SH2D4A: variants seen among roughly 807,000 people sequenced by gnomAD.
SH2D4A encodes the protein SH2 domain containing 4A.
SH2D4A carries 70 observed loss-of-function variants against 64.7 expected under a neutral mutation model. The ratio of observed to expected loss-of-function variants is 1.08; its 90% confidence interval spans 0.89 to 1.32. The LOEUF is 1.32. Ranked by LOEUF, SH2D4A falls within the 40% of genes most tolerant of loss-of-function variation. The probability of loss-of-function intolerance (pLI) is 0.00; values close to 1 mark genes in which losing one functional copy is unlikely to be tolerated. For synonymous variants in SH2D4A, 268 were observed against 200.7 expected, an observed-to-expected ratio of 1.34 and a Z score of -2.83; for missense variants, 706 against 540.1, an observed-to-expected ratio of 1.31 and a Z score of -3.04.
At chr8:19,386,384 G>A (rs1181524682) in intron 8 of SH2D4A, among the ~76,000 whole-genome samples, 2 of 152,170 alleles carry the variant, frequency 1.3e-5, no homozygotes, top group South Asian at 4.1e-4. Flanking sequence ...TCATAAATTA[G>A]TGCAGCAGGC....
intron 8 of SH2D4A, among the ~76,000 whole-genome samples, chr8:19,382,858 TCTCA>T (rs948355372): frequency 3.0e-4 from 38 of 127,646 alleles, no homozygotes; most frequent in Non-Finnish European, 5.2e-4. Context: ...TGAGACAGGG[TCTCA>T]CTCTGTCATC....
At chr8:19,318,437 A>T (rs975297098) in intron 1 of SH2D4A, among the ~76,000 whole-genome samples, 4 of 152,238 alleles carry the variant, frequency 2.6e-5, no homozygotes, top group African/African-American at 9.6e-5. Flanking sequence ...TAAAATAGAA[A>T]TGTGGAAAGT....
intron 4 of SH2D4A, among the ~76,000 whole-genome samples, chr8:19,346,031 G>T (rs2052607788): frequency 6.6e-6 from 1 of 152,168 alleles, no homozygotes; most frequent in African/African-American, 2.4e-5. Flanking sequence ...ATTTTCAAAG[G>T]ATATATTTTT....
chr8:19,334,297 A>C (rs932885941), intron 3 of SH2D4A, among the ~76,000 whole-genome samples: 29 of 152,208 alleles, frequency 1.9e-4, no homozygotes, highest in African/African-American at 7.0e-4. Flanking sequence ...TGTAACTTTA[A>C]AACTATCCAT....
chr8:19,330,985 A>G (rs537340780), intron 2 of SH2D4A, among the ~76,000 whole-genome samples: 101 of 152,248 alleles, frequency 6.6e-4, no homozygotes, highest in African/African-American at 2.4e-3. Flanking sequence ...GGTGGGATTG[A>G]CCTTCCCCTC....
intron 8 of SH2D4A, among the ~76,000 whole-genome samples, chr8:19,389,890 A>G (rs1182341730): frequency 6.6e-6 from 1 of 152,070 alleles, no homozygotes; most frequent in African/African-American, 2.4e-5. Flanking sequence ...ACAAATAAAA[A>G]TTACTGCTTT....
intron 8 of SH2D4A, among the ~76,000 whole-genome samples, chr8:19,386,778 C>T (rs1310903891): frequency 6.6e-6 from 1 of 152,166 alleles, no homozygotes; most frequent in Non-Finnish European, 1.5e-5. Context: ...CATTTGTTAT[C>T]ACATGCTTTT....
intron 4 of SH2D4A, among the ~76,000 whole-genome samples, chr8:19,348,841 C>G (rs1585167617): frequency 6.6e-6 from 1 of 152,050 alleles, no homozygotes; most frequent in Admixed American, 6.6e-5. Flanking sequence ...GGTTGAGAAG[C>G]CTGCATACTA....
intron 4 of SH2D4A, among the ~76,000 whole-genome samples, chr8:19,353,481 G>A (rs1392645576): frequency 6.8e-6 from 1 of 148,148 alleles, no homozygotes; most frequent in East Asian, 2.0e-4. Context: ...CAATTCTCTT[G>A]CCTCAGCCTC....
At chr8:19,328,417 C>G (rs561884600) in intron 2 of SH2D4A, among the ~76,000 whole-genome samples, 1 of 152,054 alleles carries the variant, frequency 6.6e-6, no homozygotes, top group Non-Finnish European at 1.5e-5. Flanking sequence ...TCTGCCTGTC[C>G]GCTGCTGTGT....
chr8:19,388,605 A>G (rs1373887201), intron 8 of SH2D4A, among the ~76,000 whole-genome samples: 1 of 152,200 alleles, frequency 6.6e-6, no homozygotes, highest in Non-Finnish European at 1.5e-5. Context: ...CTTTCATCTG[A>G]TTTTTAAACA....
intron 8 of SH2D4A, among the ~76,000 whole-genome samples, chr8:19,382,178 A>C (rs901432642): frequency 1.3e-5 from 2 of 152,110 alleles, no homozygotes; most frequent in African/African-American, 4.8e-5. Context: ...CTTGCATGGC[A>C]GGTTTAGTGG....
chr8:19,368,485 G>A (rs2053039565), intron 7 of SH2D4A, among the ~76,000 whole-genome samples: 1 of 151,960 alleles, frequency 6.6e-6, no homozygotes, highest in Non-Finnish European at 1.5e-5. Flanking sequence ...CTAATCCATG[G>A]ACATGGGATG....
intron 1 of SH2D4A, among the ~76,000 whole-genome samples, chr8:19,315,337 TG>T (rs2052069709): frequency 6.6e-6 from 1 of 152,188 alleles, no homozygotes; most frequent in Non-Finnish European, 1.5e-5. Context: ...AGTTTTGCCA[TG>T]TTGCCCAAGC....
intron 2 of SH2D4A, among the ~76,000 whole-genome samples, chr8:19,325,230 G>C (rs1277788571): frequency 6.6e-6 from 1 of 152,054 alleles, no homozygotes. Context: ...CTTGGGTTTT[G>C]CTTCATCAGT....
intron 4 of SH2D4A, among the ~76,000 whole-genome samples, chr8:19,340,468 A>T (rs1295510962): frequency 2.0e-5 from 3 of 152,138 alleles, no homozygotes; most frequent in Non-Finnish European, 4.4e-5. Flanking sequence ...CAGGATGGAC[A>T]GGCGTGTCTG....
intron 4 of SH2D4A, among the ~76,000 whole-genome samples, chr8:19,352,707 T>G (rs1261802346): frequency 6.6e-6 from 1 of 152,188 alleles, no homozygotes; most frequent in Non-Finnish European, 1.5e-5. Context: ...TCCTCCTACC[T>G]ATTAACAGGT....
rs200130559 is a variant in SH2D4A at position 19,373,634 on chromosome 8, C to G, written c.1022C>G (p.Ser341Ter). ...CTTCGAGCGGGCTACCAGAAAACCT[C>G]AGACACCATAGCCCCCTGGTTCCAT... ...LPLRAGYQKTSDTIAPWFHGI... is the reference protein window; with the variant it reads ...LPLRAGYQKT Residue 341 changes from serine to a stop codon, truncating the protein, a stop_gained, in exon 8 of 10, where the codon TCA becomes TGA. Transcript: ENST00000265807. LOFTEE classifies it high-confidence loss of function. The G allele has an allele frequency of 1.2e-5, 19 of 1,613,376 alleles. No individual in the cohort carries two copies. In the Admixed American group the frequency reaches 1.5e-4, roughly 13 times the overall value.
intron 6 of SH2D4A, 179 bp from the exon 7 acceptor site, chr8:19,363,893 G>A (rs941716903): frequency 8.0e-6 from 5 of 621,500 alleles, no homozygotes; most frequent in South Asian, 4.0e-5. Context: ...ATCCTGCAGC[G>A]AACGCTGGGC....
Sources: allele counts gnomAD v4.1 joint callset (sites outside exome capture counted in the v4.1 genomes callset), GRCh38; gene constraint gnomAD v4.1.1; transcripts MANE v1.5; gene names NCBI Gene and HGNC (gene_info 2026-07-23, HGNC 2026-07-21).